Variants in COBL observed in about 807,000 individuals in gnomAD.
The protein encoded by COBL is cordon-bleu WH2 repeat protein.
Under a neutral mutation model 98.8 loss-of-function variants are expected in COBL, and 51 were observed. That is an observed-to-expected ratio of 0.52 (90% CI 0.41 to 0.65). COBL has a LOEUF of 0.65. Among genes scored for constraint, COBL ranks in the 30% least tolerant of loss-of-function variants. COBL has a pLI of 0.00. For synonymous variants in COBL, 634 were observed against 651.7 expected (o/e 0.97, Z 0.41); for missense variants, 1,617 against 1,617.5 (o/e 1.00, Z 0.01).
intron 5 of COBL, among the ~76,000 whole-genome samples, chr7:51,174,279 G>A (rs915942905): frequency 6.6e-6 from 1 of 152,102 alleles, no homozygotes; most frequent in Non-Finnish European, 1.5e-5. Context: ...GCAAAATGGA[G>A]CTGATAATGC....
chr7:51,111,763 C>T (rs1189247478), intron 6 of COBL, among the ~76,000 whole-genome samples: 2 of 152,220 alleles, frequency 1.3e-5, no homozygotes, highest in Non-Finnish European at 2.9e-5. Flanking sequence ...GAGCTGTATC[C>T]ATCTGTGCTG....
rs1003543429 is a variant in COBL at position 51,087,631 on chromosome 7, G to A, written c.958-2327C>T. The stretch of plus-strand genomic sequence containing the variant: ...CTGGGACTACAGGCACTGCCACCAC[G>A]CCGGGCTAATTTTTGTATTTTCAGT... On this transcript the variant is annotated intron_variant, in intron 6 of 12. Transcript: ENST00000265136. 3.3e-5 allele frequency among the ~76,000 whole-genome samples: 5 copies of A among 151,876 alleles called. 1 individual carries two copies. In the Middle Eastern group the frequency reaches 0.01, roughly 310 times the overall value.
chr7:51,155,589 CAAAAAAAAAAA>C (rs58500324), intron 5 of COBL, among the ~76,000 whole-genome samples: 346 of 30,812 alleles, frequency 0.011, 1 homozygote, highest in African/African-American at 0.044. Flanking sequence ...GACTCCATCT[CAAAAAAAAAAA>C]AAAAAAAAAA....
chr7:51,302,612 C>G (rs548767915), intron 1 of COBL, among the ~76,000 whole-genome samples: 29 of 149,796 alleles, frequency 1.9e-4, no homozygotes, highest in Non-Finnish European at 4.3e-4. Flanking sequence ...ATTCACAATT[C>G]TGGGCTGGGT....
intron 6 of COBL, among the ~76,000 whole-genome samples, 178 bp downstream of exon 6, chr7:51,135,980 C>A (rs1248723809): frequency 1.3e-5 from 2 of 152,174 alleles, no homozygotes; most frequent in Non-Finnish European, 2.9e-5. Flanking sequence ...GAGTTAAAAT[C>A]ATGAGCCCTT....
chr7:51,127,417 G>GGGAACAAACC (rs1798315840), intron 6 of COBL, among the ~76,000 whole-genome samples: 1 of 152,192 alleles, frequency 6.6e-6, no homozygotes. Flanking sequence ...CAGAAGAACA[G>GGGAACAAACC]GGAACAAACC....
At chr7:51,223,256 T>C (rs369059040) in intron 1 of COBL, among the ~76,000 whole-genome samples, 2 of 152,378 alleles carry the variant, frequency 1.3e-5, no homozygotes, top group East Asian at 1.9e-4. Flanking sequence ...AGTGTGTACA[T>C]GCATGTGTGT....
At chr7:51,151,039 G>A (rs1785505037) in intron 5 of COBL, among the ~76,000 whole-genome samples, 2 of 152,084 alleles carry the variant, frequency 1.3e-5, no homozygotes, top group South Asian at 2.1e-4. Flanking sequence ...CCATGGTCAG[G>A]GCAAGAAAAT....
At position 51,043,729 on chromosome 7, in the gene COBL, C is replaced by T. The variant is rs1212467158; in HGVS notation, c.1097-37G>A. On this transcript the variant is annotated intron_variant, in intron 7 of 12. Transcript: ENST00000265136. ...ACGGCAAGGACAGGTCAGCCCAAAC[C>T]ACTCTGGCGTCCATACTGCCTAACA... The T allele has an allele frequency of 5.1e-6, 8 of 1,573,058 alleles. No individual in the cohort carries two copies. In the Admixed American group the frequency reaches 6.8e-5, roughly 13 times the overall value.
intron 2 of COBL, among the ~76,000 whole-genome samples, chr7:51,210,781 G>A (rs1267135657): frequency 1.3e-5 from 2 of 152,200 alleles, no homozygotes; most frequent in Non-Finnish European, 2.9e-5. Context: ...GCACAGCAAG[G>A]TGTGAGGGAA....
chr7:51,017,404 G>A lies in COBL; in HGVS notation c.*147C>T, dbSNP rs1786378320. 1.3e-6 allele frequency: 1 copy of A among 758,216 alleles called. No individual in the cohort carries two copies. The highest frequency in any genetic ancestry group is 2.3e-6 in the Non-Finnish European group (1 of 434,344). The allele number at this position is 758,216 out of a possible 1,614,324, so 47.0% of individuals were successfully genotyped here. ...CCTTTCCTTTCAAGCCGTTATACAG[G>A]AACACACCGAAAATCAACTGTGCGC... On this transcript the variant is annotated 3_prime_UTR_variant, in exon 13 of 13. Coordinates refer to ENST00000265136, the MANE Select transcript of COBL (RefSeq NM_015198.5).
chr7:51,058,798 C>T (rs368020887), intron 7 of COBL, among the ~76,000 whole-genome samples: 6 of 152,176 alleles, frequency 3.9e-5, no homozygotes, highest in Non-Finnish European at 7.3e-5. Context: ...GCTGTTAGAG[C>T]GAGTCTGATT....
At position 51,029,408 on chromosome 7, in the gene COBL, T is replaced by C. The variant is rs765976880; in HGVS notation, c.1688A>G (p.Asn563Ser). The change falls in exon 10 of 13, where the codon AAT becomes AGT. Residue 563 changes from asparagine to serine, a missense_variant. Around this residue, in one of 3 missense-constraint regions of COBL, gnomAD observed 1,304 missense variants for 1,282.0 expected, o/e 1.02. Coordinates refer to ENST00000265136, the MANE Select transcript of COBL (RefSeq NM_015198.5). ...DSGLFSNRNN[N>S]AGSFDSEGVA... ...ACCCTCCGAGTCGAAAGACCCAGCA[T>C]TGTTGTTTCTATTGGAAAACAACCC... 5 of 1,613,992 alleles carry C rather than the reference T, an allele frequency of 3.1e-6. No homozygotes were observed. The highest frequency in any genetic ancestry group is 1.1e-5 in the South Asian group (1 of 91,074).
intron 1 of COBL, among the ~76,000 whole-genome samples, chr7:51,245,847 T>C (rs571188250): frequency 1.4e-3 from 211 of 152,322 alleles, no homozygotes; most frequent in African/African-American, 4.8e-3. Context: ...CTTTTAAAGT[T>C]TTCTTATTGA....
chr7:51,025,522 C>A (rs1035206357), intron 11 of COBL, 150 bp from the exon 12 acceptor site: 71 of 751,388 alleles, frequency 9.4e-5, no homozygotes, highest in Non-Finnish European at 1.3e-4. Context: ...GGGATTAGTG[C>A]TCTTATACAA....
intron 5 of COBL, among the ~76,000 whole-genome samples, chr7:51,148,948 T>C (rs1160561012): frequency 6.7e-6 from 1 of 150,290 alleles, no homozygotes; most frequent in African/African-American, 2.5e-5. Context: ...ATCTCTTATC[T>C]TTGTAAACAC....
intron 7 of COBL, among the ~76,000 whole-genome samples, chr7:51,044,400 T>C (rs898978123): frequency 6.6e-6 from 1 of 152,222 alleles, no homozygotes; most frequent in Non-Finnish European, 1.5e-5. Context: ...TATTTGTAGA[T>C]AGCAATACAT....
At position 51,016,985 on chromosome 7, in the gene COBL, G is replaced by A. The variant is rs1474124778; in HGVS notation, c.*566C>T. 5.0e-6 allele frequency: 2 copies of A among 403,884 alleles called. No individual in the cohort carries two copies. Among genetic ancestry groups the A allele is most frequent in the African/African-American group, 4.1e-5 (2 of 48,646 alleles). 25.0% of individuals were successfully genotyped at this position (403,884 alleles called of 1,614,324 possible). On this transcript the variant is annotated 3_prime_UTR_variant, in exon 13 of 13. Coordinates refer to ENST00000265136, the MANE Select transcript of COBL (RefSeq NM_015198.5). The stretch of plus-strand genomic sequence containing the variant: ...TGAAGTGTTAGCCCCAAATATTTGA[G>A]GAAGAAGAATCCAGCAGTTTTACTA...
In COBL at chr7:51,219,672, G is replaced by A. The variant is rs773452456; in HGVS notation, c.245+69C>T. 1.8e-5 allele frequency: 27 copies of A among 1,501,816 alleles called. No individual in the cohort carries two copies. In the South Asian group the frequency reaches 2.6e-4, roughly 14 times the overall value. The allele number at this position is 1,501,816 out of a possible 1,614,324, so 93.0% of individuals were successfully genotyped here. ...AGGAAAATGCAATACATCAACATCC[G>A]CCTTTCCATTCTCCCCGCTATACTC... On this transcript the variant is annotated intron_variant, in intron 2 of 12. Transcript: ENST00000265136.
Sources: allele counts gnomAD v4.1 joint callset (sites outside exome capture counted in the v4.1 genomes callset), GRCh38; gene constraint gnomAD v4.1.1; regional missense constraint gnomAD v4.1.1; transcripts MANE v1.5; gene names NCBI Gene and HGNC (gene_info 2026-07-23, HGNC 2026-07-21).